ZFPM2: variants seen among roughly 807,000 people sequenced by gnomAD.
ZFPM2 encodes the protein zinc finger protein ZFPM2.
In ZFPM2, 20 loss-of-function variants were observed where a neutral mutation model predicts 98.6. The observed-to-expected ratio is 0.20, with a 90% CI of 0.14 to 0.29. The LOEUF is 0.29. Ranked by LOEUF, ZFPM2 falls within the 10% of genes least tolerant of loss-of-function variation. ZFPM2 has a pLI of 1.00. For missense variants in ZFPM2, 1,310 were observed against 1,388.6 expected, an observed-to-expected ratio of 0.94 and a Z score of 0.90; for synonymous variants, 518 against 502.7, an observed-to-expected ratio of 1.03 and a Z score of -0.41.
intron 3 of ZFPM2, among the ~76,000 whole-genome samples, chr8:105,489,465 T>C (rs1563682446): frequency 1.3e-5 from 1 of 79,050 alleles, no homozygotes; most frequent in Non-Finnish European, 2.3e-5. Context: ...TATATATATA[T>C]ATTTTTTTTT....
At chr8:105,575,140 G>A (rs1310122795) in intron 4 of ZFPM2, among the ~76,000 whole-genome samples, 1 of 152,114 alleles carries the variant, frequency 6.6e-6, no homozygotes, top group Non-Finnish European at 1.5e-5. Context: ...CTGATATTCC[G>A]GGAGGAGAAG....
chr8:105,740,190 G>A (rs1056700210), intron 5 of ZFPM2, among the ~76,000 whole-genome samples: 1 of 151,918 alleles, frequency 6.6e-6, no homozygotes, highest in African/African-American at 2.4e-5. Context: ...CTACAGGTCT[G>A]TTCTATCAGA....
intron 5 of ZFPM2, among the ~76,000 whole-genome samples, chr8:105,660,227 T>A (rs1817361841): frequency 6.6e-6 from 1 of 152,188 alleles, no homozygotes; most frequent in Non-Finnish European, 1.5e-5. Flanking sequence ...TCACTTGTTT[T>A]TTTCATTGTT....
At chr8:105,405,969 A>T (rs1360228625) in intron 1 of ZFPM2, among the ~76,000 whole-genome samples, 4 of 152,136 alleles carry the variant, frequency 2.6e-5, no homozygotes, top group Non-Finnish European at 5.9e-5. Context: ...AATGATCGCC[A>T]TTCTGACTGG....
chr8:105,389,182 G>A lies in ZFPM2; in HGVS notation c.41-29962G>A, dbSNP rs528775095. Among the ~76,000 whole-genome samples, 17 of 152,096 alleles carry A rather than the reference G, an allele frequency of 1.1e-4. No individual in the cohort carries two copies. In the East Asian group the frequency reaches 3.1e-3, roughly 28 times the overall value. On this transcript the variant is annotated intron_variant, in intron 1 of 7. Transcript: ENST00000407775. Reference sequence around the variant, plus strand: ...AAAGGATTGTAGGAGAAGGCCTAAGGCGACCATAGGACACTCAGACATGTC... The same window carrying A: ...AAAGGATTGTAGGAGAAGGCCTAAGACGACCATAGGACACTCAGACATGTC...
intron 4 of ZFPM2, among the ~76,000 whole-genome samples, chr8:105,564,757 T>G (rs1815209529): frequency 6.6e-6 from 1 of 152,128 alleles, no homozygotes; most frequent in Non-Finnish European, 1.5e-5. Flanking sequence ...CATAAATTTA[T>G]AAAAATCTCT....
intron 4 of ZFPM2, among the ~76,000 whole-genome samples, chr8:105,581,843 G>A (rs1204049756): frequency 6.6e-6 from 1 of 152,056 alleles, no homozygotes; most frequent in Admixed American, 6.6e-5. Context: ...CTTGTGCCTG[G>A]CTCTATTAAT....
At chr8:105,619,981 G>T (rs560667715) in intron 4 of ZFPM2, among the ~76,000 whole-genome samples, 2 of 152,210 alleles carry the variant, frequency 1.3e-5, no homozygotes, top group East Asian at 1.9e-4. Context: ...GAATAGTGCT[G>T]CAATAAATAT....
intron 3 of ZFPM2, among the ~76,000 whole-genome samples, chr8:105,473,529 C>T (rs796805674): frequency 2.0e-5 from 3 of 152,150 alleles, no homozygotes; most frequent in African/African-American, 7.2e-5. Flanking sequence ...GATTCGAGAT[C>T]TATTCAATTC....
In ZFPM2 at chr8:105,361,987, C is replaced by T. The variant is rs1810404351; in HGVS notation, c.40+43006C>T. Among the ~76,000 whole-genome samples the T allele has an allele frequency of 5.9e-5, 9 of 152,162 alleles. No individual in the cohort carries two copies. The South Asian group carries it at 1.7e-3, about 28-fold the overall frequency. On this transcript the variant is annotated intron_variant, in intron 1 of 7. Transcript: ENST00000407775. ...TGGGCAGGTTTACTCTATGATGTTA[C>T]ATAACAATGAAATCACCTAACAGTG... is the stretch of plus-strand genomic sequence containing the variant.
intron 1 of ZFPM2, among the ~76,000 whole-genome samples, chr8:105,405,613 C>T (rs1368450610): frequency 6.6e-6 from 1 of 151,980 alleles, no homozygotes; most frequent in African/African-American, 2.4e-5. Flanking sequence ...ATGAACTCAT[C>T]ATTTTTTATG....
chr8:105,366,809 T>C (rs891555593), intron 1 of ZFPM2, among the ~76,000 whole-genome samples: 1 of 151,810 alleles, frequency 6.6e-6, no homozygotes, highest in Non-Finnish European at 1.5e-5. Context: ...CATGCCTATG[T>C]CCTGAATGGT....
At chr8:105,743,091 A>T (rs1312389403) in intron 5 of ZFPM2, among the ~76,000 whole-genome samples, 1 of 152,050 alleles carries the variant, frequency 6.6e-6, no homozygotes. Context: ...GAAAGAAAAT[A>T]CTCCACAATG....
At chr8:105,726,269 T>G (rs1273133242) in intron 5 of ZFPM2, among the ~76,000 whole-genome samples, 1 of 151,758 alleles carries the variant, frequency 6.6e-6, no homozygotes, top group East Asian at 1.9e-4. Context: ...GCTATTTTAA[T>G]TTTTTACTGT....
intron 3 of ZFPM2, among the ~76,000 whole-genome samples, chr8:105,546,293 T>C (rs1371252026): frequency 1.3e-5 from 2 of 152,122 alleles, no homozygotes; most frequent in Non-Finnish European, 2.9e-5. Context: ...AACACTAAGA[T>C]AGGCTGGGTG....
intron 5 of ZFPM2, among the ~76,000 whole-genome samples, chr8:105,723,627 C>T (rs1398549421): frequency 6.6e-6 from 1 of 151,668 alleles, no homozygotes; most frequent in African/African-American, 2.4e-5. Context: ...TTCTCATTGT[C>T]GAGGCCTTCT....
At chr8:105,441,802 G>A (rs1812256929) in intron 2 of ZFPM2, among the ~76,000 whole-genome samples, 1 of 152,116 alleles carries the variant, frequency 6.6e-6, no homozygotes, top group African/African-American at 2.4e-5. Flanking sequence ...TGCTCACCAG[G>A]CTTTCATCAC....
At chr8:105,349,469 A>C (rs186009474) in intron 1 of ZFPM2, among the ~76,000 whole-genome samples, 35 of 152,312 alleles carry the variant, frequency 2.3e-4, no homozygotes, top group African/African-American at 7.9e-4. Context: ...AATGAGCCAT[A>C]GGGTATTTTG....
chr8:105,650,464 A>T (rs1358777621), intron 5 of ZFPM2, among the ~76,000 whole-genome samples: 1 of 151,946 alleles, frequency 6.6e-6, no homozygotes, highest in African/African-American at 2.4e-5. Context: ...TTCAATTGTG[A>T]TATTAGGGTG....
Sources: allele counts gnomAD v4.1 joint callset (sites outside exome capture counted in the v4.1 genomes callset), GRCh38; gene constraint gnomAD v4.1.1; transcripts MANE v1.5; gene names NCBI Gene and HGNC (gene_info 2026-07-23, HGNC 2026-07-21).